Variants in MYZAP observed in about 807,000 individuals in gnomAD.
MYZAP encodes myocardial zonula adherens protein.
A neutral mutation model predicts 69.4 loss-of-function variants in MYZAP; 66 were observed. That is an observed-to-expected ratio of 0.95 (90% CI 0.78 to 1.17). MYZAP has a LOEUF of 1.17. Ranked by LOEUF, MYZAP falls within the 50% of genes most tolerant of loss-of-function variation. MYZAP has a pLI of 0.00. For synonymous variants in MYZAP, 256 were observed against 205.9 expected, an observed-to-expected ratio of 1.24 and a Z score of -2.09; for missense variants, 611 against 556.2, an observed-to-expected ratio of 1.10 and a Z score of -0.99.
chr15:57,669,600 G>T (rs74477417), intron 11 of MYZAP, among the ~76,000 whole-genome samples: 2,418 of 152,084 alleles, frequency 0.016, 72 homozygotes, highest in African/African-American at 0.055. Flanking sequence ...TTTGGCTTTG[G>T]TGATTTTCTC....
At chr15:57,656,329 T>C (rs1442806704) in intron 10 of MYZAP, among the ~76,000 whole-genome samples, 6 of 152,188 alleles carry the variant, frequency 3.9e-5, no homozygotes, top group Non-Finnish European at 7.3e-5. Flanking sequence ...ATAAAGATGA[T>C]CAAAGTCTTT....
chr15:57,625,127 AGCTCACTGCAACCTTG>A lies in MYZAP; in HGVS notation c.412-637_412-622del, dbSNP rs533455976. Reference sequence around the variant, plus strand: ...GGCTGGAGTGCAATGGCGCCATCTCAGCTCACTGCAACCTTGGCTCACTGCAACCTCAGCCTCCGGG... The same window carrying A: ...GGCTGGAGTGCAATGGCGCCATCTCAGCTCACTGCAACCTCAGCCTCCGGG... On this transcript the variant is annotated intron_variant, in intron 4 of 12. Transcript: ENST00000267853. 6.7e-3 allele frequency among the ~76,000 whole-genome samples: 1,016 copies of A among 151,044 alleles called. 4 individuals carry two copies. The highest frequency in any genetic ancestry group is 0.017 in the Middle Eastern group (5 of 294).
Position 57,676,426 on chromosome 15 carries a change from ATATATATATG to A in MYZAP, c.1304+1368_1304+1377del, listed in dbSNP as rs1454255078. ...TATATATATGTATATATATGTGTAT[ATATATATATG>A]TATATATATATATATATATATACAT... On this transcript the variant is annotated intron_variant, in intron 12 of 12. Transcript: ENST00000267853. Among the ~76,000 whole-genome samples the A allele has an allele frequency of 4.7e-3, 419 of 89,948 alleles. 5 individuals carry two copies. Among genetic ancestry groups the A allele is most frequent in the African/African-American group, 0.018 (377 of 21,444 alleles). 59.0% of individuals were successfully genotyped at this position (89,948 alleles called of 152,430 possible).
chr15:57,650,979 A>C (rs1452485337), intron 10 of MYZAP, among the ~76,000 whole-genome samples: 2 of 152,294 alleles, frequency 1.3e-5, no homozygotes, highest in Admixed American at 6.5e-5. Flanking sequence ...GCCAAGAAGG[A>C]TGTCCTTCAT....
chr15:57,643,745 T>G (rs1023877710), intron 10 of MYZAP, among the ~76,000 whole-genome samples: 15 of 152,234 alleles, frequency 9.9e-5, no homozygotes, highest in Middle Eastern at 3.4e-3. Context: ...TTTTTTGTTT[T>G]TTTTTTTTTT....
At chr15:57,626,413 G>T (rs2036138368) in intron 5 of MYZAP, among the ~76,000 whole-genome samples, 2 of 152,172 alleles carry the variant, frequency 1.3e-5, no homozygotes, top group Admixed American at 6.5e-5. Context: ...GAAAGACCCG[G>T]TATCTTATAT....
chr15:57,648,182 T>C (rs2037545054), intron 10 of MYZAP: 2 of 985,162 alleles, frequency 2.0e-6, no homozygotes, highest in African/African-American at 3.5e-5. Flanking sequence ...ATCAGCACAA[T>C]TGTGGCAGCC....
chr15:57,615,290 G>A (rs1386534608), intron 2 of MYZAP, among the ~76,000 whole-genome samples: 1 of 152,174 alleles, frequency 6.6e-6, no homozygotes, highest in African/African-American at 2.4e-5. Context: ...CAAACACACA[G>A]TCTTCAAACA....
Position 57,604,300 on chromosome 15 carries a change from C to CT in MYZAP, c.108dup (p.Pro37SerfsTer2), listed in dbSNP as rs1567200841. 2 of 1,614,212 alleles carry CT rather than the reference C, an allele frequency of 1.2e-6. No homozygotes were observed. Among genetic ancestry groups the CT allele is most frequent in the African/African-American group, 2.7e-5 (2 of 75,060 alleles). ...GTTTGCAGACTACGGCTGACCGTAC[C>CT]TCCTGAGAGTCCAGTTCCTGAGCAA... On this transcript the variant is annotated frameshift_variant, in exon 2 of 13. Coordinates refer to ENST00000267853, the MANE Select transcript of MYZAP (RefSeq NM_001018100.5). LOFTEE classifies it high-confidence loss of function.
intron 1 of MYZAP, among the ~76,000 whole-genome samples, chr15:57,601,658 G>T (rs2034422093): frequency 6.6e-6 from 1 of 152,096 alleles, no homozygotes; most frequent in African/African-American, 2.4e-5. Context: ...AGCCCTGGGG[G>T]TCAGGCCACA....
chr15:57,607,810 G>T (rs1340290878), intron 2 of MYZAP, among the ~76,000 whole-genome samples: 1 of 152,170 alleles, frequency 6.6e-6, no homozygotes, highest in Non-Finnish European at 1.5e-5. Flanking sequence ...GAAGTTTCTA[G>T]GGGTAACTGG....
intron 10 of MYZAP, chr15:57,646,477 A>C: frequency 9.7e-7 from 1 of 1,029,650 alleles, no homozygotes; most frequent in Non-Finnish European, 1.2e-6. Flanking sequence ...TGAAGAAGGA[A>C]CTGCAATGAA....
intron 1 of MYZAP, among the ~76,000 whole-genome samples, chr15:57,600,758 A>G (rs571616129): frequency 3.3e-5 from 5 of 152,332 alleles, no homozygotes; most frequent in Admixed American, 3.3e-4. Context: ...ATTTTGAAGC[A>G]TATAGGATGA....
chr15:57,645,769 T>C (rs528847651), intron 10 of MYZAP, among the ~76,000 whole-genome samples: 2 of 152,356 alleles, frequency 1.3e-5, no homozygotes, highest in East Asian at 3.9e-4. Context: ...GGGAGTCTTG[T>C]TGGCCACATT....
intron 10 of MYZAP, among the ~76,000 whole-genome samples, chr15:57,649,550 G>T (rs2037622541): frequency 6.6e-6 from 1 of 152,002 alleles, no homozygotes; most frequent in Non-Finnish European, 1.5e-5. Flanking sequence ...ATATTAGATT[G>T]TTTTTCTTTT....
intron 3 of MYZAP, among the ~76,000 whole-genome samples, 191 bp from the exon 4 acceptor site, chr15:57,621,417 T>TCAGC (rs1254095110): frequency 1.3e-5 from 2 of 152,084 alleles, no homozygotes; most frequent in Non-Finnish European, 2.9e-5. Flanking sequence ...TTTCACCATG[T>TCAGC]CAGCCAGGGT....
At chr15:57,659,590 T>C (rs2038178259) in intron 10 of MYZAP, among the ~76,000 whole-genome samples, 1 of 152,220 alleles carries the variant, frequency 6.6e-6, no homozygotes, top group African/African-American at 2.4e-5. Flanking sequence ...AACAATCTTC[T>C]CAGTGAATGA....
chr15:57,625,771 C>T lies in MYZAP; in HGVS notation c.412-8C>T. The T allele has an allele frequency of 6.2e-7, 1 of 1,613,626 alleles. No homozygotes were observed. The highest frequency in any genetic ancestry group is 8.5e-7 in the Non-Finnish European group (1 of 1,179,580). On this transcript the variant is annotated splice_polypyrimidine_tract_variant and splice_region_variant and intron_variant, in intron 4 of 12. Transcript: ENST00000267853. ...GATTTTGTGTGACTGTCTCCTCGATCTGTCCAGGTTTCCCATGCTCAGCAG... is the reference window on the plus strand; with the variant it reads ...GATTTTGTGTGACTGTCTCCTCGATTTGTCCAGGTTTCCCATGCTCAGCAG...
At chr15:57,596,682 G>A (rs1241825037) in intron 1 of MYZAP, among the ~76,000 whole-genome samples, 2 of 152,202 alleles carry the variant, frequency 1.3e-5, no homozygotes, top group African/African-American at 4.8e-5. Flanking sequence ...CCTTAGTGTA[G>A]CATCCAGGCC....
Sources: gnomAD v4.1 joint callset for allele counts (sites outside exome capture counted in the v4.1 genomes callset) on GRCh38, gnomAD v4.1.1 for gene constraint, MANE v1.5 for transcripts, NCBI Gene and HGNC (gene_info 2026-07-23, HGNC 2026-07-21) for gene names.